The following EVC2 variants were observed in gnomAD, a reference collection of about 807,000 sequenced individuals.
EVC2 encodes the protein limbin.
Under a neutral mutation model 149.3 loss-of-function variants are expected in EVC2, and 148 were observed. That is an observed-to-expected ratio of 0.99 (90% CI 0.87 to 1.14). EVC2 has a LOEUF of 1.14. Among genes scored for constraint, EVC2 ranks in the 50% most tolerant of loss-of-function variants. The pLI is 0.00. For missense variants in EVC2, 1,854 were observed against 1,627.3 expected, an observed-to-expected ratio of 1.14 and a Z score of -2.40; for synonymous variants, 776 against 649.9, an observed-to-expected ratio of 1.19 and a Z score of -2.95.
the EVC2 span, among the ~76,000 whole-genome samples, chr4:5,535,659 C>T: frequency 2.8e-5 from 4 of 142,120 alleles, no homozygotes; most frequent in Admixed American, 2.8e-4. The surrounding 1 kb of genome is among the most constrained non-coding windows in gnomAD (Gnocchi z 4.7). Flanking sequence ...TGTTCTTCCT[C>T]TTTCTTTAAG....
intron 21 of EVC2, among the ~76,000 whole-genome samples, chr4:5,546,675 C>T (rs1188779650): frequency 6.6e-6 from 1 of 151,906 alleles, no homozygotes; most frequent in Non-Finnish European, 1.5e-5. Context: ...TGTAACAAAC[C>T]TGCATGTTGT....
intron 10 of EVC2, among the ~76,000 whole-genome samples, chr4:5,635,567 A>T (rs1454417749): frequency 6.6e-6 from 1 of 152,258 alleles, no homozygotes; most frequent in African/African-American, 2.4e-5. Context: ...TGGCTGCAGC[A>T]GCTGCTGTGC....
chr4:5,620,681 C>T (rs1487975881), intron 14 of EVC2, among the ~76,000 whole-genome samples: 2 of 152,142 alleles, frequency 1.3e-5, no homozygotes, highest in Non-Finnish European at 2.9e-5. Context: ...CCTCTTTAAC[C>T]CTTGGAAAAA....
chr4:5,689,507 AC>A (rs1720963156), intron 4 of EVC2, among the ~76,000 whole-genome samples, 164 bp from the exon 5 acceptor site: 1 of 151,972 alleles, frequency 6.6e-6, no homozygotes, highest in African/African-American at 2.4e-5. Context: ...GATTTCAAAG[AC>A]CCCCAAGAGG....
intron 5 of EVC2, among the ~76,000 whole-genome samples, 194 bp downstream of exon 5, chr4:5,688,963 T>A (rs550630941): frequency 2.0e-5 from 3 of 152,202 alleles, no homozygotes; most frequent in Non-Finnish European, 4.4e-5. Flanking sequence ...GAAATTCAGC[T>A]TTTTGGTTAC....
Position 5,622,629 on chromosome 4 carries a change from GACAC to G in EVC2, c.2405_2408del (p.Gly802AlafsTer4). The G allele has an allele frequency of 6.2e-7, 1 of 1,613,938 alleles. No individual in the cohort carries two copies. The highest frequency in any genetic ancestry group is 8.5e-7 in the Non-Finnish European group (1 of 1,179,984). On this transcript the variant is annotated frameshift_variant, in exon 14 of 22. Coordinates refer to ENST00000344408, the MANE Select transcript of EVC2 (RefSeq NM_147127.5). LOFTEE classifies it high-confidence loss of function. The surrounding 1 kb of genome is among the most constrained non-coding windows in gnomAD (Gnocchi z 5.8). The stretch of plus-strand genomic sequence containing the variant: ...CCTTCAGTCTCTGCCTCACGCTCTG[GACAC>G]CCTCCTGGTCCCTGTCCCTCTCCTC...
At chr4:5,558,163 T>C (rs2108762529), downstream of EVC2, among the ~76,000 whole-genome samples, 1 of 152,326 alleles carries the variant, frequency 6.6e-6, no homozygotes, top group South Asian at 2.1e-4. Flanking sequence ...CAAGACTTAC[T>C]ATATAGCTAC....
chr4:5,594,205 T>C (rs1332907682), intron 16 of EVC2, among the ~76,000 whole-genome samples: 1 of 152,172 alleles, frequency 6.6e-6, no homozygotes, highest in African/African-American at 2.4e-5. Flanking sequence ...GTCTGACAGC[T>C]TTGAAGAGAC....
chr4:5,660,833 C>G (rs1277705973), intron 9 of EVC2, among the ~76,000 whole-genome samples: 1 of 152,194 alleles, frequency 6.6e-6, no homozygotes, highest in African/African-American at 2.4e-5. Flanking sequence ...TGAGGAAGCT[C>G]AAGTCCCATT....
intron 21 of EVC2, among the ~76,000 whole-genome samples, chr4:5,545,229 A>G (rs1439352924): frequency 6.6e-6 from 1 of 152,230 alleles, no homozygotes. Context: ...CATTTACTGA[A>G]TATCTACTAG....
At chr4:5,593,736 T>C (rs1227251875) in intron 16 of EVC2, among the ~76,000 whole-genome samples, 1 of 152,108 alleles carries the variant, frequency 6.6e-6, no homozygotes, top group Non-Finnish European at 1.5e-5. Flanking sequence ...GTGGGTACAG[T>C]GCACCGTGCG....
At chr4:5,547,531 T>C (rs1721645829) in intron 21 of EVC2, among the ~76,000 whole-genome samples, 1 of 152,132 alleles carries the variant, frequency 6.6e-6, no homozygotes, top group Non-Finnish European at 1.5e-5. Context: ...TGGCCATCCA[T>C]GGACCAACTG....
chr4:5,596,051 G>A (rs544587897), intron 16 of EVC2, among the ~76,000 whole-genome samples: 1 of 152,276 alleles, frequency 6.6e-6, no homozygotes, highest in Admixed American at 6.5e-5. Context: ...CAATACTGGA[G>A]CACCCAGATT....
intron 1 of EVC2, among the ~76,000 whole-genome samples, chr4:5,703,617 T>C (rs903294776): frequency 6.6e-6 from 1 of 152,206 alleles, no homozygotes; most frequent in Admixed American, 6.5e-5. Flanking sequence ...TTCACTTGCA[T>C]TCATTCATTC....
chr4:5,564,790 C>T (rs905178698), intron 21 of EVC2, among the ~76,000 whole-genome samples: 1 of 152,144 alleles, frequency 6.6e-6, no homozygotes, highest in African/African-American at 2.4e-5. Context: ...AGGTAAAGAG[C>T]GCAAGCCTGG....
intron 17 of EVC2, among the ~76,000 whole-genome samples, chr4:5,583,602 G>C (rs957078004): frequency 1.2e-4 from 18 of 151,408 alleles, no homozygotes; most frequent in South Asian, 4.2e-4. Context: ...TCTAGTTTTT[G>C]AATTCATTTC....
intron 7 of EVC2, among the ~76,000 whole-genome samples, chr4:5,675,058 C>T (rs1719902677): frequency 6.6e-6 from 1 of 152,184 alleles, no homozygotes; most frequent in African/African-American, 2.4e-5. Context: ...AAGGGCACCT[C>T]CTAAGCCTCG....
rs1464258274 is a variant in EVC2, at chr4:5,613,742, C to A, written c.2829+1680G>T. On this transcript the variant is annotated intron_variant, in intron 16 of 21. Transcript: ENST00000344408. This position sits in a 1 kb window ranked among gnomAD's most constrained non-coding sequence, Gnocchi z 4.6. ...CATTGATGTATATCTCTTGAATTAG[C>A]CTTTAACAATAGGTAAGATGACATT... 6.6e-6 allele frequency among the ~76,000 whole-genome samples: 1 copy of A among 152,076 alleles called. No individual in the cohort carries two copies. The highest frequency in any genetic ancestry group is 2.4e-5 in the African/African-American group (1 of 41,382).
chr4:5,655,683 G>A (rs1381931209), intron 9 of EVC2, among the ~76,000 whole-genome samples: 1 of 149,572 alleles, frequency 6.7e-6, no homozygotes, highest in African/African-American at 2.5e-5. Flanking sequence ...CAGAGGCAGA[G>A]CACGCACACA....
Sources: allele counts gnomAD v4.1 joint callset (sites outside exome capture counted in the v4.1 genomes callset), GRCh38; gene constraint gnomAD v4.1.1; non-coding constraint Gnocchi (gnomAD v3.1); transcripts MANE v1.5; gene names NCBI Gene and HGNC (gene_info 2026-07-23, HGNC 2026-07-21).